VPS33A: variants seen among roughly 807,000 people sequenced by gnomAD.
The protein encoded by VPS33A is vacuolar protein sorting-associated protein 33A.
VPS33A carries 32 observed loss-of-function variants against 71.8 expected under a neutral mutation model. The observed-to-expected ratio is 0.45, with a 90% CI of 0.34 to 0.60. VPS33A has a LOEUF of 0.60. Ranked by LOEUF, VPS33A falls within the 20% of genes least tolerant of loss-of-function variation. VPS33A has a pLI of 0.02. For missense variants in VPS33A, 625 were observed against 748.5 expected, an observed-to-expected ratio of 0.84 and a Z score of 1.92; for synonymous variants, 311 against 292.7, an observed-to-expected ratio of 1.06 and a Z score of -0.64.
intron 4 of VPS33A, among the ~76,000 whole-genome samples, chr12:122,260,150 TG>T (rs1954973097): frequency 6.6e-6 from 1 of 152,174 alleles, no homozygotes; most frequent in Admixed American, 6.5e-5. Context: ...AGACTGCTAC[TG>T]GGCATGGGGA....
intron 10 of VPS33A, among the ~76,000 whole-genome samples, 163 bp downstream of exon 10, chr12:122,238,424 G>A (rs900900841): frequency 6.6e-6 from 1 of 151,962 alleles, no homozygotes; most frequent in Non-Finnish European, 1.5e-5. Context: ...GTTTCACCAT[G>A]TTGGCCAGGC....
At chr12:122,249,703 G>A (rs910110797) in intron 6 of VPS33A, 168 bp downstream of exon 6, 4 of 557,442 alleles carry the variant, frequency 7.2e-6, no homozygotes, top group African/African-American at 2.0e-5. Flanking sequence ...AGTTTTATGT[G>A]TTGCTAAATT....
intron 3 of VPS33A, among the ~76,000 whole-genome samples, chr12:122,261,811 G>A (rs1182978414): frequency 6.6e-6 from 1 of 152,056 alleles, no homozygotes; most frequent in Non-Finnish European, 1.5e-5. Flanking sequence ...GACCAACCTG[G>A]CCAACACGAA....
At chr12:122,260,192 C>G (rs1380410867) in intron 4 of VPS33A, among the ~76,000 whole-genome samples, 1 of 152,026 alleles carries the variant, frequency 6.6e-6, no homozygotes, top group Non-Finnish European at 1.5e-5. Flanking sequence ...ATGTGCCATA[C>G]TTAGAGAGTG....
chr12:122,261,939 T>C (rs1314970847), intron 3 of VPS33A, among the ~76,000 whole-genome samples: 1 of 151,902 alleles, frequency 6.6e-6, no homozygotes, highest in African/African-American at 2.4e-5. Context: ...GAGGCAGAGG[T>C]TGCAGTGAGC....
At position 122,249,860 on chromosome 12, in the gene VPS33A, C is replaced by G; in HGVS notation, c.775+11G>C. ...ATTACCTATTAGTGAAAACAGATGT[C>G]ATGTACTTACTGTTCTGAATGCCAT... On this transcript the variant is annotated intron_variant, in intron 6 of 12. Transcript: ENST00000267199. 1 of 1,608,394 alleles carries G rather than the reference C, an allele frequency of 6.2e-7. No individual in the cohort carries two copies. The highest frequency in any genetic ancestry group is 8.5e-7 in the Non-Finnish European group (1 of 1,177,572).
intron 8 of VPS33A, 104 bp downstream of exon 8, chr12:122,242,278 A>C: frequency 2.9e-6 from 4 of 1,391,036 alleles, no homozygotes; most frequent in Non-Finnish European, 4.0e-6. Flanking sequence ...ATTAAGACAG[A>C]GCTGACTCTC....
At chr12:122,251,620 A>G (rs1954844393) in intron 4 of VPS33A, among the ~76,000 whole-genome samples, 1 of 152,182 alleles carries the variant, frequency 6.6e-6, no homozygotes, top group African/African-American at 2.4e-5. Flanking sequence ...TTTATAAAAA[A>G]TATATATTTT....
At chr12:122,251,138 G>T (rs1459992209) in intron 4 of VPS33A, 39 bp from the exon 5 acceptor site, 1 of 1,429,594 alleles carries the variant, frequency 7.0e-7, no homozygotes, top group Non-Finnish European at 9.8e-7. Flanking sequence ...GGCCATGGGG[G>T]CCTCCCAGGG....
intron 9 of VPS33A, among the ~76,000 whole-genome samples, chr12:122,239,572 AAAAT>A (rs936702594): frequency 2.6e-4 from 39 of 152,102 alleles, no homozygotes; most frequent in African/African-American, 9.4e-4. Context: ...GTCTCTATTA[AAAAT>A]ACAAAAAATT....
At chr12:122,242,996 A>G (rs1954734893) in intron 7 of VPS33A, among the ~76,000 whole-genome samples, 1 of 152,240 alleles carries the variant, frequency 6.6e-6, no homozygotes, top group Admixed American at 6.5e-5. Context: ...GAAATAATAG[A>G]GGTCATGGTG....
In VPS33A at chr12:122,251,050, C is replaced by T; in HGVS notation, c.533G>A (p.Gly178Glu). ...ATACAGAGCTTGCAGGGTCATCAGC[C>T]CCTTGGCTGCGTGGTACAGGCTCGT... ...DQTSLYHAAK[G>E]LMTLQALYGT... The change falls in exon 5 of 13, where the codon GGG (glycine) becomes GAG (glutamate). Residue 178 changes from glycine to glutamate, a missense_variant. Gly to Glu is a moderately conservative substitution (Grantham distance 98). Coordinates refer to ENST00000267199, the MANE Select transcript of VPS33A (RefSeq NM_022916.6). 3.1e-6 allele frequency: 5 copies of T among 1,614,178 alleles called. No individual in the cohort carries two copies. The highest frequency in any genetic ancestry group is 2.2e-5 in the East Asian group (1 of 44,886).
chr12:122,261,027 G>A (rs1475386453), intron 4 of VPS33A, among the ~76,000 whole-genome samples: 1 of 152,136 alleles, frequency 6.6e-6, no homozygotes, highest in Admixed American at 6.5e-5. Flanking sequence ...TCACAGACTG[G>A]GAAGATACTT....
intron 6 of VPS33A, among the ~76,000 whole-genome samples, chr12:122,245,586 GGCAC>G (rs1394760822): frequency 2.0e-5 from 3 of 151,860 alleles, no homozygotes; most frequent in African/African-American, 7.3e-5. Flanking sequence ...TCAGATTATA[GGCAC>G]CCACCACCAT....
At chr12:122,254,148 C>A (rs1462849504) in intron 4 of VPS33A, among the ~76,000 whole-genome samples, 1 of 152,094 alleles carries the variant, frequency 6.6e-6, no homozygotes, top group Non-Finnish European at 1.5e-5. Flanking sequence ...GAGCATTTGA[C>A]TGGGCAGAAC....
chr12:122,238,766 TACATACAC>T (rs1276758503), intron 9 of VPS33A, 42 bp from the exon 10 acceptor site: 3 of 1,354,070 alleles, frequency 2.2e-6, no homozygotes, highest in East Asian at 2.4e-5. Context: ...CATTTACATA[TACATACAC>T]ACACACACAC....
rs112081026 is a variant in VPS33A at position 122,236,555 on chromosome 12, G to A, written c.1303-632C>T. On this transcript the variant is annotated intron_variant, in intron 10 of 12. Coordinates refer to ENST00000267199, the MANE Select transcript of VPS33A (RefSeq NM_022916.6). Reference sequence around the variant, plus strand: ...CTCGGGAGGCTGAGGCAGGAGAATCGCTTGAACCCAGGAGGTTACAGTGAG... The same window carrying A: ...CTCGGGAGGCTGAGGCAGGAGAATCACTTGAACCCAGGAGGTTACAGTGAG... Among the ~76,000 whole-genome samples the A allele has an allele frequency of 9.1e-3, 1,389 of 152,270 alleles. 25 individuals are homozygous for A. The highest frequency in any genetic ancestry group is 0.032 in the African/African-American group (1,330 of 41,530).
intron 3 of VPS33A, among the ~76,000 whole-genome samples, chr12:122,262,270 G>A (rs1955005334): frequency 6.6e-6 from 1 of 152,142 alleles, no homozygotes; most frequent in Non-Finnish European, 1.5e-5. Flanking sequence ...CCCCTGACAG[G>A]AAAGCATCAC....
At chr12:122,247,150 TTTC>T (rs1954787404) in intron 6 of VPS33A, among the ~76,000 whole-genome samples, 1 of 152,150 alleles carries the variant, frequency 6.6e-6, no homozygotes, top group Non-Finnish European at 1.5e-5. Context: ...GGATCTATGT[TTTC>T]TTCTATTTTT....
Sources: gnomAD v4.1 joint callset for allele counts (sites outside exome capture counted in the v4.1 genomes callset) on GRCh38, gnomAD v4.1.1 for gene constraint, MANE v1.5 for transcripts, NCBI Gene and HGNC (gene_info 2026-07-23, HGNC 2026-07-21) for gene names.